The following RNF180 variants were observed in gnomAD, a reference collection of about 807,000 sequenced individuals.
RNF180 encodes the protein ring finger protein 180.
A neutral mutation model predicts 59.2 loss-of-function variants in RNF180; 38 were observed. The ratio of observed to expected loss-of-function variants is 0.64; its 90% CI spans 0.50 to 0.84. The LOEUF (loss-of-function observed/expected upper bound fraction) is 0.84, where lower values mean the gene tolerates loss of function less well. RNF180 is among the 40% of genes least tolerant of loss of function. The probability of loss-of-function intolerance (pLI) is 0.00; values close to 1 mark genes in which losing one functional copy is unlikely to be tolerated. For synonymous variants in RNF180, 262 were observed against 240.3 expected (o/e 1.09, Z -0.84); for missense variants, 705 against 700.9 (o/e 1.01, Z -0.07).
At chr5:64,288,877 T>G (rs1742425571) in intron 5 of RNF180, among the ~76,000 whole-genome samples, 1 of 152,214 alleles carries the variant, frequency 6.6e-6, no homozygotes, top group Non-Finnish European at 1.5e-5. Flanking sequence ...TTGAATACCT[T>G]TTATTTCTTT....
At chr5:64,283,254 C>T (rs1241868524) in intron 5 of RNF180, among the ~76,000 whole-genome samples, 1 of 152,038 alleles carries the variant, frequency 6.6e-6, no homozygotes, top group Admixed American at 6.6e-5. Flanking sequence ...CTTGTAATGC[C>T]TTATCTTTTT....
At chr5:64,330,699 G>A (rs1744865624) in intron 7 of RNF180, among the ~76,000 whole-genome samples, 1 of 152,240 alleles carries the variant, frequency 6.6e-6, no homozygotes, top group African/African-American at 2.4e-5. Flanking sequence ...TATCAGATTT[G>A]ACAAAGTCAT....
At chr5:64,356,299 A>C (rs1281618228) in intron 7 of RNF180, among the ~76,000 whole-genome samples, 2 of 151,874 alleles carry the variant, frequency 1.3e-5, no homozygotes, top group African/African-American at 4.8e-5. Flanking sequence ...CAGTATCAAG[A>C]AAGTAAAAAG....
intron 1 of RNF180, among the ~76,000 whole-genome samples, chr5:64,193,932 C>A (rs909949053): frequency 2.6e-5 from 4 of 151,940 alleles, no homozygotes; most frequent in Non-Finnish European, 5.9e-5. Flanking sequence ...TGTTATCAAA[C>A]AGAGGCAAGC....
chr5:64,204,645 G>A lies in RNF180; in HGVS notation c.135+3703G>A, dbSNP rs569906544. Among the ~76,000 whole-genome samples, 6 of 151,792 alleles carry A rather than the reference G, an allele frequency of 4.0e-5. No homozygotes were observed. In the East Asian group the frequency reaches 1.2e-3, roughly 29 times the overall value. ...TATGTAACTTATATTTCATTCTTGTGGTGTCTTTGTTGAAAAGAAATTCAT... is the reference window on the plus strand; with the variant it reads ...TATGTAACTTATATTTCATTCTTGTAGTGTCTTTGTTGAAAAGAAATTCAT... On this transcript the variant is annotated intron_variant, in intron 2 of 7. Transcript: ENST00000389100.
At chr5:64,351,226 G>C (rs1173996535) in intron 7 of RNF180, among the ~76,000 whole-genome samples, 9 of 152,142 alleles carry the variant, frequency 5.9e-5, no homozygotes, top group Admixed American at 5.9e-4. Flanking sequence ...TGGTGTATAA[G>C]AATCCTTGTG....
chr5:64,195,592 A>G (rs1326082748), intron 1 of RNF180, among the ~76,000 whole-genome samples: 1 of 152,212 alleles, frequency 6.6e-6, no homozygotes, highest in African/African-American at 2.4e-5. Context: ...ACCATTGGCT[A>G]ATTGATATAA....
chr5:64,269,844 A>T (rs1429877448), intron 5 of RNF180, among the ~76,000 whole-genome samples: 1 of 152,180 alleles, frequency 6.6e-6, no homozygotes, highest in Non-Finnish European at 1.5e-5. Flanking sequence ...AAATTTTGGC[A>T]CGTATTTAAA....
intron 3 of RNF180, among the ~76,000 whole-genome samples, chr5:64,212,417 A>G (rs1016195860): frequency 1.3e-5 from 2 of 151,968 alleles, no homozygotes; most frequent in Non-Finnish European, 2.9e-5. Flanking sequence ...TATATGACAT[A>G]TATATTATTA....
intron 5 of RNF180, among the ~76,000 whole-genome samples, chr5:64,295,058 A>C (rs1742813978): frequency 6.6e-6 from 1 of 152,150 alleles, no homozygotes; most frequent in Non-Finnish European, 1.5e-5. Context: ...TTTTAAATGT[A>C]AGTGTTATGT....
intron 7 of RNF180, among the ~76,000 whole-genome samples, chr5:64,336,816 G>A (rs1038822295): frequency 6.6e-6 from 1 of 151,708 alleles, no homozygotes; most frequent in African/African-American, 2.4e-5. Context: ...ATTTACTTTA[G>A]ACATTACAAA....
rs186817036 is a variant in RNF180, at chr5:64,173,517, A to G, written c.-1+7564A>G. On this transcript the variant is annotated intron_variant, in intron 1 of 7. Coordinates refer to ENST00000389100, the MANE Select transcript of RNF180 (RefSeq NM_001113561.2). The stretch of plus-strand genomic sequence containing the variant: ...CTTGGTATTTTGAAATATATACAAT[A>G]TAGTGTCGTTAACTATAGTCATCTT... 2.4e-3 allele frequency among the ~76,000 whole-genome samples: 373 copies of G among 152,284 alleles called. 8 individuals carry two copies. Among genetic ancestry groups the G allele is most frequent in the Non-Finnish European group, 7.5e-4 (51 of 68,034 alleles).
chr5:64,201,076 A>C, intron 2 of RNF180, 134 bp downstream of exon 2: 1 of 636,330 alleles, frequency 1.6e-6, no homozygotes, highest in Non-Finnish European at 2.5e-6. Context: ...TTTGTCTCTC[A>C]CCTTATTTCA....
chr5:64,284,834 C>T (rs1423303371), intron 5 of RNF180, among the ~76,000 whole-genome samples: 1 of 152,210 alleles, frequency 6.6e-6, no homozygotes, highest in Non-Finnish European at 1.5e-5. Context: ...TCAGCCAATT[C>T]AGCCTGCTTA....
chr5:64,266,321 T>C (rs1744675940), intron 5 of RNF180, among the ~76,000 whole-genome samples: 1 of 152,148 alleles, frequency 6.6e-6, no homozygotes, highest in Non-Finnish European at 1.5e-5. Context: ...GAAGTTCTGT[T>C]ACTAGCAAAA....
chr5:64,218,990 T>C (rs1752772034), intron 5 of RNF180, among the ~76,000 whole-genome samples: 1 of 152,228 alleles, frequency 6.6e-6, no homozygotes, highest in African/African-American at 2.4e-5. Context: ...TGCTAATGTT[T>C]TATTAAATCA....
At chr5:64,253,566 A>G (rs148353880) in intron 5 of RNF180, among the ~76,000 whole-genome samples, 1 of 152,258 alleles carries the variant, frequency 6.6e-6, no homozygotes, top group Admixed American at 6.5e-5. Context: ...ATCTGTAAAA[A>G]TCTGATTTAG....
chr5:64,226,585 C>T (rs1741773462), intron 5 of RNF180, among the ~76,000 whole-genome samples: 1 of 152,066 alleles, frequency 6.6e-6, no homozygotes, highest in South Asian at 2.1e-4. Flanking sequence ...TGTTTATCTG[C>T]TGACCTTCTC....
At chr5:64,250,871 C>T (rs1387467656) in intron 5 of RNF180, among the ~76,000 whole-genome samples, 1 of 152,118 alleles carries the variant, frequency 6.6e-6, no homozygotes, top group African/African-American at 2.4e-5. Flanking sequence ...CACAATCACC[C>T]TGACATCAAA....
Sources: allele counts gnomAD v4.1 joint callset (sites outside exome capture counted in the v4.1 genomes callset), GRCh38; gene constraint gnomAD v4.1.1; transcripts MANE v1.5; gene names NCBI Gene and HGNC (gene_info 2026-07-23, HGNC 2026-07-21).